Variants in NUFIP1 observed in about 807,000 individuals in gnomAD.
NUFIP1 encodes the protein FMR1-interacting protein NUFIP1.
In NUFIP1, 38 loss-of-function variants were observed where a neutral mutation model predicts 56.2. The ratio of observed to expected loss-of-function variants is 0.68; its 90% CI spans 0.52 to 0.89. The LOEUF (loss-of-function observed/expected upper bound fraction) is 0.89, where lower values mean the gene tolerates loss of function less well. NUFIP1 is among the 40% of genes least tolerant of loss of function. NUFIP1 has a pLI of 0.00. For synonymous variants in NUFIP1, 215 were observed against 212.4 expected (o/e 1.01, Z -0.10); for missense variants, 567 against 605.8 (o/e 0.94, Z 0.67).
At chr13:44,952,281 C>T (rs975017479) in intron 7 of NUFIP1, among the ~76,000 whole-genome samples, 2 of 152,118 alleles carry the variant, frequency 1.3e-5, no homozygotes. Context: ...CGTGCCACCA[C>T]ACCAGGCTAA....
Position 44,943,653 on chromosome 13 carries a change from G to A in NUFIP1, c.1160C>T (p.Ala387Val), listed in dbSNP as rs1566054929. Residue 387 changes from alanine (A) to valine (V), a missense_variant, in exon 9 of 10, where the codon GCA (alanine) becomes GTA (valine). Physicochemically the swap from Ala to Val is moderately conservative, Grantham distance 64 (BLOSUM62 0). Transcript: ENST00000379161. ...EPEETPIKTE[A>V]DVLAENQVLD... ...AACCTGGTTTTCTGCCAAAACGTCT[G>A]CTTCAGTCTTGATGGGAGTTTCTAA... 6.2e-7 allele frequency: 1 copy of A among 1,612,332 alleles called. No homozygotes were observed. Among genetic ancestry groups the A allele is most frequent in the Non-Finnish European group, 8.5e-7 (1 of 1,179,484 alleles).
At chr13:44,964,301 G>A (rs1436373216) in intron 6 of NUFIP1, among the ~76,000 whole-genome samples, 3 of 152,034 alleles carry the variant, frequency 2.0e-5, no homozygotes, top group Admixed American at 2.0e-4. Context: ...TTCTGTTTCT[G>A]GCCAAAATAA....
chr13:44,980,383 T>C (rs1872145317), intron 3 of NUFIP1, among the ~76,000 whole-genome samples: 1 of 152,094 alleles, frequency 6.6e-6, no homozygotes, highest in Non-Finnish European at 1.5e-5. Context: ...CATTACACAG[T>C]ATGGTTTAAT....
intron 2 of NUFIP1, among the ~76,000 whole-genome samples, chr13:44,981,351 G>T (rs569253978): frequency 6.6e-6 from 1 of 151,872 alleles, no homozygotes; most frequent in African/African-American, 2.4e-5. Context: ...AGTATGTCAA[G>T]AAGGTATAAA....
At chr13:44,951,581 T>A (rs1201517106) in intron 7 of NUFIP1, among the ~76,000 whole-genome samples, 1 of 152,202 alleles carries the variant, frequency 6.6e-6, no homozygotes, top group Non-Finnish European at 1.5e-5. Flanking sequence ...GTCTCCCAGC[T>A]ATAGCTCCAT....
At chr13:44,981,539 T>C (rs562281331) in intron 2 of NUFIP1, among the ~76,000 whole-genome samples, 20 of 152,278 alleles carry the variant, frequency 1.3e-4, no homozygotes, top group Admixed American at 6.5e-4. Context: ...TGGCCAGGCA[T>C]GGTGGCTCAC....
At chr13:44,977,612 CAA>C (rs1347318796) in intron 5 of NUFIP1, among the ~76,000 whole-genome samples, 1 of 152,170 alleles carries the variant, frequency 6.6e-6, no homozygotes, top group African/African-American at 2.4e-5. Context: ...AAGATTTTGC[CAA>C]AGAGATCAAA....
intron 5 of NUFIP1, among the ~76,000 whole-genome samples, chr13:44,970,258 A>G (rs1284744374): frequency 6.6e-6 from 1 of 152,194 alleles, no homozygotes; most frequent in Admixed American, 6.5e-5. Flanking sequence ...CTATTAATGG[A>G]AAGCCTTAAA....
chr13:44,943,807 A>C, intron 8 of NUFIP1, 133 bp from the exon 9 acceptor site: 2 of 712,966 alleles, frequency 2.8e-6, no homozygotes, highest in Non-Finnish European at 4.5e-6. Flanking sequence ...TAAAACTATG[A>C]AAGATTTTTG....
At chr13:44,941,464 A>C (rs1181885816) in intron 9 of NUFIP1, 142 bp from the exon 10 acceptor site, 3 of 537,994 alleles carry the variant, frequency 5.6e-6, no homozygotes, top group Non-Finnish European at 1.0e-5. Flanking sequence ...TTGCTAAAAA[A>C]CGATGCAAGA....
intron 5 of NUFIP1, 136 bp from the exon 6 acceptor site, chr13:44,966,072 ATTT>A: frequency 2.3e-6 from 1 of 434,144 alleles, no homozygotes; most frequent in Non-Finnish European, 4.0e-6. Flanking sequence ...TGCTTCTACA[ATTT>A]TTTAAGAGGG....
At chr13:44,967,058 A>G (rs149107191) in intron 5 of NUFIP1, among the ~76,000 whole-genome samples, 1 of 152,056 alleles carries the variant, frequency 6.6e-6, no homozygotes, top group African/African-American at 2.4e-5. Context: ...ACAAATAGTG[A>G]TAACATAAGA....
intron 8 of NUFIP1, among the ~76,000 whole-genome samples, chr13:44,947,269 T>C (rs1396057798): frequency 1.3e-5 from 2 of 149,468 alleles, no homozygotes; most frequent in Non-Finnish European, 3.0e-5. Flanking sequence ...GATGGAGTTT[T>C]ACTCTGTCAC....
intron 7 of NUFIP1, among the ~76,000 whole-genome samples, chr13:44,952,128 A>T (rs1593358858): frequency 6.6e-6 from 1 of 152,068 alleles, no homozygotes; most frequent in South Asian, 2.1e-4. Flanking sequence ...AGCTTCAATC[A>T]TCTTGATAAT....
At chr13:44,974,720 T>G (rs1468704368) in intron 5 of NUFIP1, among the ~76,000 whole-genome samples, 1 of 152,186 alleles carries the variant, frequency 6.6e-6, no homozygotes, top group Non-Finnish European at 1.5e-5. Context: ...CCTGGCTAAC[T>G]TTTTATTTTT....
At chr13:44,985,726 A>G (rs1228161062) in intron 1 of NUFIP1, among the ~76,000 whole-genome samples, 1 of 152,022 alleles carries the variant, frequency 6.6e-6, no homozygotes, top group Non-Finnish European at 1.5e-5. Context: ...TGCTCTACCA[A>G]CCGGTGGTTC....
chr13:44,987,537 C>T (rs1048130588), intron 1 of NUFIP1, among the ~76,000 whole-genome samples: 12 of 151,744 alleles, frequency 7.9e-5, no homozygotes, highest in African/African-American at 2.9e-4. Context: ...ACTTTTTTGC[C>T]CCATAGGATC....
At chr13:44,976,334 GAAGGAGAAGAAGAAAGGAGA>G (rs1488092462) in intron 5 of NUFIP1, among the ~76,000 whole-genome samples, 1 of 151,530 alleles carries the variant, frequency 6.6e-6, no homozygotes, top group Non-Finnish European at 1.5e-5. Flanking sequence ...AAGAAAGGAG[GAAGGAGAAGAAGAAAGGAGA>G]AAGGAGGAGG....
chr13:44,969,030 A>G (rs1871713384), intron 5 of NUFIP1, among the ~76,000 whole-genome samples: 1 of 152,178 alleles, frequency 6.6e-6, no homozygotes, highest in Admixed American at 6.5e-5. Flanking sequence ...CTAAAATTAA[A>G]TATCATGTTC....
Sources: gnomAD v4.1 joint callset for allele counts (sites outside exome capture counted in the v4.1 genomes callset) on GRCh38, gnomAD v4.1.1 for gene constraint, MANE v1.5 for transcripts, NCBI Gene and HGNC (gene_info 2026-07-23, HGNC 2026-07-21) for gene names.